Variants in SELENOT observed in about 807,000 individuals in gnomAD.
SELENOT encodes the protein thioredoxin reductase-like selenoprotein T.
A neutral mutation model predicts 24.3 loss-of-function variants in SELENOT; 9 were observed. That is an observed-to-expected ratio of 0.37 (90% CI 0.22 to 0.65). SELENOT has a LOEUF of 0.65. Among genes scored for constraint, SELENOT ranks in the 30% least tolerant of loss-of-function variants. The pLI, the probability that SELENOT is intolerant of heterozygous loss-of-function variation, is 0.60. For missense variants in SELENOT, 166 were observed against 247.6 expected (o/e 0.67, Z 2.21); for synonymous variants, 81 against 86.0 (o/e 0.94, Z 0.32).
In SELENOT at chr3:150,622,099, A is replaced by G. The variant is rs1268395455; in HGVS notation, c.138-286A>G. ...TGTTGTCCAACAGTAACCCAAATCT[A>G]TAAAGTTTAATGTTCTTTTTTTTTT... is the stretch of plus-strand genomic sequence containing the variant. On this transcript the variant is annotated intron_variant, in intron 1 of 5. Transcript: ENST00000471696. Among the ~76,000 whole-genome samples the G allele has an allele frequency of 8.6e-5, 13 of 152,018 alleles. 1 individual carries two copies. Among genetic ancestry groups the G allele is most frequent in the Admixed American group, 8.5e-4 (13 of 15,260 alleles).
At chr3:150,619,426 T>G (rs1336452167) in intron 1 of SELENOT, among the ~76,000 whole-genome samples, 3 of 149,246 alleles carry the variant, frequency 2.0e-5, no homozygotes, top group East Asian at 4.0e-4. Flanking sequence ...ATCCCAGCTA[T>G]TCAGGAGACT....
In SELENOT at chr3:150,629,917, G is replaced by T; in HGVS notation, c.*2288G>T. 1 of 152,694 alleles carries T rather than the reference G, an allele frequency of 6.5e-6. No homozygotes were observed. Among genetic ancestry groups the T allele is most frequent in the Middle Eastern group, 3.4e-3 (1 of 294 alleles). The allele number at this position is 152,694 out of a possible 1,614,324, so 9.5% of individuals were successfully genotyped here. On this transcript the variant is annotated 3_prime_UTR_variant, in exon 6 of 6. Coordinates refer to ENST00000471696, the MANE Select transcript of SELENOT (RefSeq NM_016275.5). ...GTGGCTGTGTAGTTTATAAATGTCT[G>T]TGCACTATATTAATTAGAAGACCAT...
chr3:150,619,843 A>G (rs1385547031), intron 1 of SELENOT, among the ~76,000 whole-genome samples: 2 of 152,200 alleles, frequency 1.3e-5, no homozygotes, highest in African/African-American at 4.8e-5. Context: ...CAACAGAAAA[A>G]TTATTTTAGG....
chr3:150,624,150 A>G (rs1726394880), intron 3 of SELENOT, among the ~76,000 whole-genome samples: 1 of 152,174 alleles, frequency 6.6e-6, no homozygotes, highest in Non-Finnish European at 1.5e-5. Context: ...CCCAAATGGT[A>G]GAGTAATTCC....
chr3:150,613,665 CTTTTTTTTTTT>C lies in SELENOT; in HGVS notation c.138-8702_138-8692del, dbSNP rs531822237. On this transcript the variant is annotated intron_variant, in intron 1 of 5. Coordinates refer to ENST00000471696, the MANE Select transcript of SELENOT (RefSeq NM_016275.5). Reference sequence around the variant, plus strand: ...CACTAAATTATGCAGAAGATGGGAACTTTTTTTTTTTTTTTTTTTTTTTTTTTTAGAGAAAA... The same window carrying C: ...CACTAAATTATGCAGAAGATGGGAACTTTTTTTTTTTTTTTTTAGAGAAAA... Among the ~76,000 whole-genome samples the C allele has an allele frequency of 1.6e-4, 13 of 78,916 alleles. No individual in the cohort carries two copies. The South Asian group carries it at 3.2e-3, about 19-fold the overall frequency. The allele number at this position is 78,916 out of a possible 152,430, so 51.8% of individuals were successfully genotyped here.
At chr3:150,618,772 CCT>C (rs373818261) in intron 1 of SELENOT, 3 of 152,728 alleles carry the variant, frequency 2.0e-5, no homozygotes, top group African/African-American at 7.2e-5. Context: ...GAACCTCCTG[CCT>C]CAGCCTCCCA....
rs1308987779 is a variant in SELENOT, at chr3:150,629,831, T to A, written c.*2202T>A. On this transcript the variant is annotated 3_prime_UTR_variant, in exon 6 of 6. Coordinates refer to ENST00000471696, the MANE Select transcript of SELENOT (RefSeq NM_016275.5). ...AAGGAAAAAGGGAAAGTAAACTATTTAGAATGTAGTTTTGTTATATTCCCA... is the reference window on the plus strand; with the variant it reads ...AAGGAAAAAGGGAAAGTAAACTATTAAGAATGTAGTTTTGTTATATTCCCA... The A allele has an allele frequency of 6.6e-6, 1 of 152,638 alleles. No individual in the cohort carries two copies. The allele number at this position is 152,638 out of a possible 1,614,324, so 9.5% of individuals were successfully genotyped here. A position where few individuals can be genotyped will look rare whatever the true frequency, so the allele number is the denominator to read the frequency against.
rs1726102073 is a variant in SELENOT at position 150,611,883 on chromosome 3, C to G, written c.137+8384C>G. 4.9e-6 allele frequency: 5 copies of G among 1,018,520 alleles called. No homozygotes were observed. The South Asian group carries it at 7.3e-5, about 15-fold the overall frequency. The allele number at this position is 1,018,520 out of a possible 1,614,324, so 63.1% of individuals were successfully genotyped here. A position where few individuals can be genotyped will look rare whatever the true frequency, so the allele number is the denominator to read the frequency against. ...CCAGGCGTGAAGCCGTTCATGTCTC[C>G]GAGCTCCGGGGTACCGGCGCTGACA... On this transcript the variant is annotated intron_variant, in intron 1 of 5. Transcript: ENST00000471696.
chr3:150,603,364 T>TGAG lies in SELENOT; in HGVS notation c.4_6dup (p.Arg2dup). ...GCCGAAGTGGCTGGCTCATTTAAGATGAGGCTTCTGCTGCTTCTCCTAGTG... is the reference window on the plus strand; with the variant it reads ...GCCGAAGTGGCTGGCTCATTTAAGATGAGGAGGCTTCTGCTGCTTCTCCTAGTG... On this transcript the variant is annotated inframe_insertion, in exon 1 of 6. Transcript: ENST00000471696. The TGAG allele has an allele frequency of 9.9e-6, 16 of 1,611,454 alleles. No homozygotes were observed. Among genetic ancestry groups the TGAG allele is most frequent in the Non-Finnish European group, 1.4e-5 (16 of 1,178,234 alleles).
chr3:150,620,476 G>A (rs1726319660), intron 1 of SELENOT, among the ~76,000 whole-genome samples: 1 of 152,160 alleles, frequency 6.6e-6, no homozygotes, highest in South Asian at 2.1e-4. Flanking sequence ...GTGAGGACAG[G>A]ACCGTATCTG....
At position 150,622,490 on chromosome 3, in the gene SELENOT, A is replaced by G; in HGVS notation, c.243A>G (p.Ile81Met). The G allele has an allele frequency of 7.1e-7, 1 of 1,413,848 alleles. No homozygotes were observed. The highest frequency in any genetic ancestry group is 2.6e-5 in the East Asian group (1 of 38,034). 87.6% of individuals were successfully genotyped at this position (1,413,848 alleles called of 1,614,324 possible). The change falls in exon 2 of 6, where the codon ATA becomes ATG. Residue 81 changes from isoleucine (I) to methionine (M), a missense_variant. Around this residue, in one of 5 missense-constraint regions of SELENOT, gnomAD observed 71 missense variants for 89.2 expected, o/e 0.80. Coordinates refer to ENST00000471696, the MANE Select transcript of SELENOT (RefSeq NM_016275.5). ...IEGENYLPQP[I>M]YRHIASFLSV... is the part of the protein sequence containing the mutation. ...GAGAGAATTACCTCCCTCAACCAAT[A>G]TATAGGTAAGAAATTTTAATAACTT...
intron 4 of SELENOT, among the ~76,000 whole-genome samples, chr3:150,625,489 C>T (rs1413520243): frequency 6.6e-6 from 1 of 152,078 alleles, no homozygotes; most frequent in Non-Finnish European, 1.5e-5. Context: ...GTTCCACCTC[C>T]TAAATTTCAA....
intron 1 of SELENOT, among the ~76,000 whole-genome samples, chr3:150,618,426 A>C (rs1726266740): frequency 6.6e-6 from 1 of 152,184 alleles, no homozygotes; most frequent in South Asian, 2.1e-4. Flanking sequence ...AGGATGCGAG[A>C]GATTGGGGTT....
chr3:150,622,479 C>T lies in SELENOT; in HGVS notation c.232C>T (p.Pro78Ser). The T allele has an allele frequency of 1.6e-5, 23 of 1,481,600 alleles. No individual in the cohort carries two copies. The highest frequency in any genetic ancestry group is 2.0e-5 in the Non-Finnish European group (22 of 1,100,924). The allele number at this position is 1,481,600 out of a possible 1,614,324, so 91.8% of individuals were successfully genotyped here. A position where few individuals can be genotyped will look rare whatever the true frequency, so the allele number is the denominator to read the frequency against. Residue 78 changes from proline to serine, a missense_variant, in exon 2 of 6, where the codon CCT becomes TCT. This residue lies in a region of SELENOT where 71 missense variants were observed against 89.2 expected (regional missense o/e 0.80). Coordinates refer to ENST00000471696, the MANE Select transcript of SELENOT (RefSeq NM_016275.5). The part of the protein sequence containing the change: ...DIRIEGENYL[P>S]QPIYRHIASF... Reference sequence around the variant, plus strand: ...CCGCATTGAAGGAGAGAATTACCTCCCTCAACCAATATATAGGTAAGAAAT... The same window carrying T: ...CCGCATTGAAGGAGAGAATTACCTCTCTCAACCAATATATAGGTAAGAAAT...
At chr3:150,616,314 C>T (rs1238482322) in intron 1 of SELENOT, among the ~76,000 whole-genome samples, 1 of 139,036 alleles carries the variant, frequency 7.2e-6, no homozygotes, top group Non-Finnish European at 1.6e-5. Flanking sequence ...TCTAAAACAC[C>T]AAAAGCAATG....
chr3:150,611,571 GT>G, intron 1 of SELENOT: 1 of 1,267,720 alleles, frequency 7.9e-7, no homozygotes. Flanking sequence ...TCTGAATTAA[GT>G]TTTTATGATA....
chr3:150,620,432 A>G (rs1339376562), intron 1 of SELENOT, among the ~76,000 whole-genome samples: 1 of 152,186 alleles, frequency 6.6e-6, no homozygotes, highest in Non-Finnish European at 1.5e-5. Flanking sequence ...CCCAAATCAC[A>G]AAGACTGTGT....
intron 5 of SELENOT, among the ~76,000 whole-genome samples, chr3:150,627,414 C>G (rs1726467943): frequency 6.6e-6 from 1 of 152,166 alleles, no homozygotes; most frequent in Non-Finnish European, 1.5e-5. Flanking sequence ...CTCTAAATTC[C>G]TAATGGCCAG....
chr3:150,611,004 C>T (rs1406376853), intron 1 of SELENOT, among the ~76,000 whole-genome samples: 1 of 145,396 alleles, frequency 6.9e-6, no homozygotes, highest in Non-Finnish European at 1.5e-5. Flanking sequence ...CATCATGAGT[C>T]GTGTGTGTGT....
Sources: gnomAD v4.1 joint callset for allele counts (sites outside exome capture counted in the v4.1 genomes callset) on GRCh38, gnomAD v4.1.1 for gene constraint, gnomAD v4.1.1 regional missense constraint, MANE v1.5 for transcripts, NCBI Gene and HGNC (gene_info 2026-07-23, HGNC 2026-07-21) for gene names.